The following ATP10B variants were observed in gnomAD, a reference collection of about 807,000 sequenced individuals.
ATP10B encodes phospholipid-transporting ATPase VB.
A neutral mutation model predicts 141.2 loss-of-function variants in ATP10B; 122 were observed. The ratio of observed to expected loss-of-function variants is 0.86; its 90% CI spans 0.75 to 1.00. The LOEUF is 1.00. ATP10B is among the 50% of genes least tolerant of loss of function. The pLI is 0.00. For missense variants in ATP10B, 1,876 were observed against 1,825.3 expected (o/e 1.03, Z -0.51); for synonymous variants, 685 against 692.0 (o/e 0.99, Z 0.16).
intron 1 of ATP10B, among the ~76,000 whole-genome samples, chr5:160,797,935 G>GAAAAGAAA (rs1772071949): frequency 1.3e-5 from 1 of 75,344 alleles, no homozygotes; most frequent in Admixed American, 1.4e-4. Context: ...GCAAAGAAAA[G>GAAAAGAAA]AAAAGAAAAA....
intron 22 of ATP10B, among the ~76,000 whole-genome samples, chr5:160,594,689 G>A (rs548446351): frequency 2.2e-3 from 327 of 151,124 alleles, no homozygotes; most frequent in Admixed American, 4.9e-3. Context: ...AAAGGATGGA[G>A]GAAGATCTAC....
the ATP10B span, among the ~76,000 whole-genome samples, chr5:160,860,152 C>T: frequency 6.6e-6 from 1 of 151,806 alleles, no homozygotes; most frequent in African/African-American, 2.4e-5. Flanking sequence ...GACTTTTGTA[C>T]ACTTAAGGAT....
chr5:160,764,388 G>A (rs960964140), intron 2 of ATP10B, among the ~76,000 whole-genome samples: 5 of 152,144 alleles, frequency 3.3e-5, no homozygotes, highest in African/African-American at 1.2e-4. Context: ...TCATACCAGG[G>A]ACGCAGGGCT....
At chr5:160,865,643 T>C in the ATP10B span, among the ~76,000 whole-genome samples, 1 of 151,752 alleles carries the variant, frequency 6.6e-6, no homozygotes, top group Non-Finnish European at 1.5e-5. Context: ...AGAGAACCCA[T>C]AGAGTGGGAG....
At chr5:160,884,265 AAT>A in the ATP10B span, among the ~76,000 whole-genome samples, 11 of 152,136 alleles carry the variant, frequency 7.2e-5, no homozygotes, top group African/African-American at 2.4e-4. Context: ...AAATAAACCC[AAT>A]GTGTGTAAGA....
intron 6 of ATP10B, among the ~76,000 whole-genome samples, chr5:160,676,535 A>C (rs576874975): frequency 2.5e-4 from 38 of 152,310 alleles, no homozygotes; most frequent in African/African-American, 8.9e-4. Context: ...AAGCTTGCTA[A>C]GAGCTGCGAT....
the ATP10B span, among the ~76,000 whole-genome samples, chr5:160,891,596 C>A: frequency 6.6e-6 from 1 of 152,112 alleles, no homozygotes; most frequent in African/African-American, 2.4e-5. Flanking sequence ...AGCCACCACG[C>A]TAGAGTAATT....
intron 2 of ATP10B, among the ~76,000 whole-genome samples, chr5:160,757,301 T>C (rs1768693308): frequency 6.6e-6 from 1 of 152,216 alleles, no homozygotes; most frequent in African/African-American, 2.4e-5. Flanking sequence ...CAGACCTTCA[T>C]TTGCCATGAA....
Position 160,620,392 on chromosome 5 carries a change from C to A in ATP10B, c.2371G>T (p.Gly791Cys). 1 of 1,613,996 alleles carries A rather than the reference C, an allele frequency of 6.2e-7. No homozygotes were observed. The highest frequency in any genetic ancestry group is 8.5e-7 in the Non-Finnish European group (1 of 1,179,884). The change falls in exon 15 of 26, where the codon GGT (glycine) becomes TGT (cysteine). Residue 791 changes from glycine (G) to cysteine (C), a missense_variant. By Grantham distance (159) the Gly-to-Cys change is radical. Transcript: ENST00000327245. The stretch of plus-strand genomic sequence containing the variant: ...AGGTCCATGATGACCGAGTCAGCAC[C>A]CTTGGTGTAGACAACAATCTCGCCA... The part of the protein sequence containing the change: ...LTGEIVVYTK[G>C]ADSVIMDLLE...
chr5:160,597,617 A>C (rs954741276), intron 22 of ATP10B, among the ~76,000 whole-genome samples: 52 of 152,070 alleles, frequency 3.4e-4, no homozygotes, highest in Non-Finnish European at 5.4e-4. Flanking sequence ...CAACCTACAA[A>C]ATGGGAGAAA....
chr5:160,787,105 GACACAC>G (rs58517660), intron 1 of ATP10B, among the ~76,000 whole-genome samples: 5,867 of 133,558 alleles, frequency 0.044, 152 homozygotes, highest in South Asian at 0.075. Context: ...TTTTGACACA[GACACAC>G]ACACACACAC....
chr5:160,842,207 C>G (rs934089483), intron 1 of ATP10B, among the ~76,000 whole-genome samples: 2 of 151,974 alleles, frequency 1.3e-5, no homozygotes, highest in Admixed American at 6.6e-5. Flanking sequence ...AGTTTGAAAA[C>G]CAAGCAATAA....
chr5:160,630,986 A>T (rs1365046857), intron 13 of ATP10B, among the ~76,000 whole-genome samples: 1 of 152,246 alleles, frequency 6.6e-6, no homozygotes, highest in Non-Finnish European at 1.5e-5. Flanking sequence ...ATATCAAGTT[A>T]AAGAAAATCC....
At chr5:160,798,274 T>C (rs569853265) in intron 1 of ATP10B, among the ~76,000 whole-genome samples, 1 of 152,338 alleles carries the variant, frequency 6.6e-6, no homozygotes, top group South Asian at 2.1e-4. Flanking sequence ...TATATTGGGT[T>C]GGAAAACGTC....
At chr5:160,904,805 T>C in the ATP10B span, among the ~76,000 whole-genome samples, 2 of 152,210 alleles carry the variant, frequency 1.3e-5, no homozygotes, top group East Asian at 3.9e-4. Context: ...GGAGACCTTA[T>C]GCTTCCCATA....
intron 2 of ATP10B, among the ~76,000 whole-genome samples, chr5:160,778,002 G>A (rs1377761669): frequency 6.6e-6 from 1 of 152,094 alleles, no homozygotes; most frequent in Non-Finnish European, 1.5e-5. Context: ...ATCCACATGT[G>A]AATTTGTATG....
chr5:160,905,111 A>G, the ATP10B span, among the ~76,000 whole-genome samples: 1 of 152,338 alleles, frequency 6.6e-6, no homozygotes, highest in Admixed American at 6.5e-5. Flanking sequence ...TCTGCTATTT[A>G]CATACTACTG....
chr5:160,783,552 A>C, intron 2 of ATP10B, among the ~76,000 whole-genome samples: 1 of 103,462 alleles, frequency 9.7e-6, no homozygotes, highest in South Asian at 3.2e-4. Context: ...TATATATCAT[A>C]TATATATGAT....
chr5:160,686,469 G>A (rs1763759484), intron 5 of ATP10B, among the ~76,000 whole-genome samples, 196 bp from the exon 6 acceptor site: 1 of 152,128 alleles, frequency 6.6e-6, no homozygotes, highest in South Asian at 2.1e-4. Context: ...GGGAACAGGT[G>A]GTGTTTGGTT....
Sources: allele counts gnomAD v4.1 joint callset (sites outside exome capture counted in the v4.1 genomes callset), GRCh38; gene constraint gnomAD v4.1.1; transcripts MANE v1.5; gene names NCBI Gene and HGNC (gene_info 2026-07-23, HGNC 2026-07-21).